The following CSNK2A2 variants were observed in gnomAD, a reference collection of about 807,000 sequenced individuals.
The protein encoded by CSNK2A2 is casein kinase 2 alpha 2.
CSNK2A2 carries 8 observed loss-of-function variants against 54.0 expected under a neutral mutation model. The observed-to-expected ratio is 0.15, with a 90% confidence interval of 0.09 to 0.27. The LOEUF is 0.27. Among genes scored for constraint, CSNK2A2 ranks in the 10% least tolerant of loss-of-function variants. The pLI, the probability that CSNK2A2 is intolerant of heterozygous loss-of-function variation, is 1.00. For synonymous variants in CSNK2A2, 141 were observed against 153.9 expected (o/e 0.92, Z 0.62); for missense variants, 242 against 439.4 (o/e 0.55, Z 4.02).
intron 5 of CSNK2A2, 125 bp from the exon 6 acceptor site, chr16:58,168,818 G>C (rs536757753): frequency 2.9e-6 from 2 of 690,326 alleles, no homozygotes; most frequent in Non-Finnish European, 2.4e-6. Flanking sequence ...CTTGCTGCCT[G>C]TAATGAAAGA....
In CSNK2A2 at chr16:58,164,767, T is replaced by C. The variant is rs529385557; in HGVS notation, c.977-620A>G. On this transcript the variant is annotated intron_variant, in intron 10 of 11. Coordinates refer to ENST00000262506, the MANE Select transcript of CSNK2A2 (RefSeq NM_001896.4). ...AGGCTTTTCCATTTGCGGTCTCCCT[T>C]ATGCATATGGGCCACAGGCTCAAGA... Among the ~76,000 whole-genome samples the C allele has an allele frequency of 1.6e-4, 25 of 152,288 alleles. No individual in the cohort carries two copies. In the East Asian group the frequency reaches 4.6e-3, roughly 28 times the overall value.
intron 5 of CSNK2A2, among the ~76,000 whole-genome samples, chr16:58,171,873 T>C (rs1961745170): frequency 6.7e-6 from 1 of 149,286 alleles, no homozygotes; most frequent in Non-Finnish European, 1.5e-5. Context: ...CTGCAACCTC[T>C]GCCTCACAGG....
chr16:58,166,759 G>T, intron 8 of CSNK2A2, 75 bp from the exon 9 acceptor site: 1 of 1,025,130 alleles, frequency 9.8e-7, no homozygotes, highest in African/African-American at 1.6e-5. Context: ...CTGCACCAAG[G>T]AATCAGAAGA....
chr16:58,176,703 A>T (rs1961888255), intron 4 of CSNK2A2, among the ~76,000 whole-genome samples: 1 of 152,112 alleles, frequency 6.6e-6, no homozygotes, highest in Admixed American at 6.5e-5. Flanking sequence ...GTAAAGCCAA[A>T]ACCAACCTGT....
chr16:58,183,097 C>A (rs1408813704), intron 4 of CSNK2A2, among the ~76,000 whole-genome samples: 1 of 152,060 alleles, frequency 6.6e-6, no homozygotes, highest in Non-Finnish European at 1.5e-5. Context: ...CAGTGGCTCA[C>A]ACCTATAATC....
In CSNK2A2 at chr16:58,197,403, A is replaced by C. The variant is rs867795522; in HGVS notation, c.104+230T>G. 6.6e-6 allele frequency among the ~76,000 whole-genome samples: 1 copy of C among 152,146 alleles called. No individual in the cohort carries two copies. Among genetic ancestry groups the C allele is most frequent in the Admixed American group, 6.5e-5 (1 of 15,284 alleles). Reference sequence around the variant, plus strand: ...ACCCCACACTTCTCCCCGAGTAAAAAAGCATTCCTTGGGGGAAAGGGGTGC... The same window carrying C: ...ACCCCACACTTCTCCCCGAGTAAAACAGCATTCCTTGGGGGAAAGGGGTGC... On this transcript the variant is annotated intron_variant, in intron 1 of 11. Coordinates refer to ENST00000262506, the MANE Select transcript of CSNK2A2 (RefSeq NM_001896.4). This position sits in a 1 kb window ranked among gnomAD's most constrained non-coding sequence, Gnocchi z 4.0.
intron 10 of CSNK2A2, among the ~76,000 whole-genome samples, chr16:58,164,808 C>G (rs920100532): frequency 6.6e-6 from 1 of 152,176 alleles, no homozygotes; most frequent in East Asian, 1.9e-4. Flanking sequence ...GCGACACATT[C>G]TTCAGGCAAG....
At chr16:58,169,518 G>A (rs367765692) in intron 5 of CSNK2A2, among the ~76,000 whole-genome samples, 10 of 151,926 alleles carry the variant, frequency 6.6e-5, no homozygotes, top group East Asian at 2.0e-4. Context: ...CAAGAAAGGC[G>A]GGCAGTGGGG....
At chr16:58,177,302 T>C (rs967534413) in intron 4 of CSNK2A2, among the ~76,000 whole-genome samples, 5 of 152,226 alleles carry the variant, frequency 3.3e-5, no homozygotes, top group African/African-American at 1.2e-4. Flanking sequence ...CTCTCCCTTC[T>C]TCTTAGCCAG....
chr16:58,176,643 G>A (rs557065226), intron 4 of CSNK2A2, among the ~76,000 whole-genome samples: 71 of 152,238 alleles, frequency 4.7e-4, no homozygotes, highest in South Asian at 4.2e-4. Context: ...AAACAAGCCC[G>A]TGTTTGCTGC....
intron 6 of CSNK2A2, 151 bp from the exon 7 acceptor site, chr16:58,167,946 G>A (rs1961613844): frequency 4.7e-6 from 3 of 636,774 alleles, no homozygotes; most frequent in Non-Finnish European, 8.3e-6. Context: ...TTCAGCAATC[G>A]TGCAAGAGGT....
At chr16:58,166,389 T>A (rs376331644) in intron 9 of CSNK2A2, among the ~76,000 whole-genome samples, 195 bp downstream of exon 9, 36 of 152,342 alleles carry the variant, frequency 2.4e-4, no homozygotes, top group African/African-American at 8.4e-4. Flanking sequence ...TAATAGGTTA[T>A]CTCTCAGAGA....
In CSNK2A2 at chr16:58,182,166, T is replaced by G. The variant is rs1230198530; in HGVS notation, c.369+2094A>C. ...GGGTTAAGACCCCAGAGAGAATTTC[T>G]CTAAGAATTAGAATTCCCACTAACT... is the stretch of plus-strand genomic sequence containing the variant. On this transcript the variant is annotated intron_variant, in intron 4 of 11. Transcript: ENST00000262506. Among the ~76,000 whole-genome samples, 3 of 150,126 alleles carry G rather than the reference T, an allele frequency of 2.0e-5. No homozygotes were observed. The East Asian group carries it at 6.1e-4, about 30-fold the overall frequency.
intron 3 of CSNK2A2, among the ~76,000 whole-genome samples, chr16:58,184,580 T>C (rs988386209): frequency 6.6e-6 from 1 of 152,240 alleles, no homozygotes; most frequent in Non-Finnish European, 1.5e-5. Flanking sequence ...TTGGGTCATG[T>C]GTGAGGGAAG....
intron 11 of CSNK2A2, chr16:58,160,781 C>G (rs1961320107): frequency 6.6e-6 from 1 of 152,268 alleles, no homozygotes; most frequent in Admixed American, 6.5e-5. Context: ...TTTAACAGCC[C>G]TTCCCCTAGC....
At chr16:58,190,193 A>T (rs545675841) in intron 2 of CSNK2A2, among the ~76,000 whole-genome samples, 1 of 152,190 alleles carries the variant, frequency 6.6e-6, no homozygotes, top group Non-Finnish European at 1.5e-5. Flanking sequence ...ATTCAAACTC[A>T]ATCAGTTTAG....
At chr16:58,162,224 G>A (rs1188487349) in intron 11 of CSNK2A2, 3 of 152,228 alleles carry the variant, frequency 2.0e-5, no homozygotes, top group Non-Finnish European at 2.9e-5. Context: ...GAAGGCTTTT[G>A]ATAATCTCAA....
chr16:58,171,945 C>T (rs540144361), intron 5 of CSNK2A2, among the ~76,000 whole-genome samples: 1 of 120,668 alleles, frequency 8.3e-6, no homozygotes, highest in East Asian at 2.5e-4. Flanking sequence ...TGTACCACTA[C>T]ACCTGGAGCA....
rs767433171 is a variant in CSNK2A2, at chr16:58,186,758, G to A, written c.315C>T (p.Pro105=). Residue 105 remains proline, a synonymous_variant, in exon 3 of 12, where the codon CCC becomes CCT. Transcript: ENST00000262506. ...IIKLIDTVKD[P]VSKTPALVFE... ...CCCCCAACCATTTGGCACCTACCAC[G>A]GGGTCCTTTACAGTGTCAATCAGCT... 37 of 1,612,906 alleles carry A rather than the reference G, an allele frequency of 2.3e-5. No homozygotes were observed. Among genetic ancestry groups the A allele is most frequent in the African/African-American group, 1.3e-4 (10 of 74,856 alleles).
Sources: allele counts gnomAD v4.1 joint callset (sites outside exome capture counted in the v4.1 genomes callset), GRCh38; gene constraint gnomAD v4.1.1; non-coding constraint Gnocchi (gnomAD v3.1); transcripts MANE v1.5; gene names NCBI Gene and HGNC (gene_info 2026-07-23, HGNC 2026-07-21).